The following PPP2R2A variants were observed in gnomAD, a reference collection of about 807,000 sequenced individuals.
PPP2R2A encodes the protein serine/threonine-protein phosphatase 2A 55 kDa regulatory subunit B alpha isoform.
PPP2R2A carries 9 observed loss-of-function variants against 53.2 expected under a neutral mutation model. That is an observed-to-expected ratio of 0.17 (90% CI 0.10 to 0.30). The LOEUF is 0.30. PPP2R2A is among the 10% of genes least tolerant of loss of function. PPP2R2A has a pLI of 1.00. For missense variants in PPP2R2A, 235 were observed against 534.6 expected (o/e 0.44, Z 5.53); for synonymous variants, 169 against 174.2 (o/e 0.97, Z 0.23).
intron 2 of PPP2R2A, among the ~76,000 whole-genome samples, chr8:26,334,891 A>T (rs532569638): frequency 6.6e-6 from 1 of 152,202 alleles, no homozygotes; most frequent in Admixed American, 6.5e-5. Flanking sequence ...ATTTTCTAAA[A>T]ACCTGGATAC....
At chr8:26,357,920 T>C (rs1804878029) in intron 4 of PPP2R2A, among the ~76,000 whole-genome samples, 1 of 152,100 alleles carries the variant, frequency 6.6e-6, no homozygotes, top group Non-Finnish European at 1.5e-5. Flanking sequence ...TAATCTCACA[T>C]ACAGTTTTAT....
Position 26,360,779 on chromosome 8 carries a change from A to G in PPP2R2A, c.460-195A>G. On this transcript the variant is annotated intron_variant, in intron 5 of 9. Transcript: ENST00000380737. This position sits in a 1 kb window ranked among gnomAD's most constrained non-coding sequence, Gnocchi z 4.5. Reference sequence around the variant, plus strand: ...ATAGTATTGCAACCAGTAAAAGAAGATATATTATCCACATTGTTCATTTTT... The same window carrying G: ...ATAGTATTGCAACCAGTAAAAGAAGGTATATTATCCACATTGTTCATTTTT... The G allele has an allele frequency of 1.9e-6, 1 of 520,304 alleles. No homozygotes were observed. Among genetic ancestry groups the G allele is most frequent in the Non-Finnish European group, 3.3e-6 (1 of 306,166 alleles). The allele number at this position is 520,304 out of a possible 1,614,324, so 32.2% of individuals were successfully genotyped here. A position where few individuals can be genotyped will look rare whatever the true frequency, so the allele number is the denominator to read the frequency against.
In PPP2R2A at chr8:26,354,064, G is replaced by A. The variant is rs1348114113; in HGVS notation, c.181-404G>A. On this transcript the variant is annotated intron_variant, in intron 3 of 9. Transcript: ENST00000380737. The surrounding 1 kb of genome is among the most constrained non-coding windows in gnomAD (Gnocchi z 4.6). ...GGAGTTGACCCTAAAGTGGGCATAG[G>A]AAGAAGGTGTGCCTCACCTAGCTCT... Among the ~76,000 whole-genome samples, 3 of 152,162 alleles carry A rather than the reference G, an allele frequency of 2.0e-5. No homozygotes were observed. Among genetic ancestry groups the A allele is most frequent in the Non-Finnish European group, 4.4e-5 (3 of 68,048 alleles).
chr8:26,344,799 G>A (rs1218832884), intron 3 of PPP2R2A, among the ~76,000 whole-genome samples: 2 of 152,120 alleles, frequency 1.3e-5, no homozygotes, highest in African/African-American at 4.8e-5. Flanking sequence ...TACCCGTTGA[G>A]CAGAAATTTG....
chr8:26,292,201 C>A (rs1585312416), intron 1 of PPP2R2A: 1 of 1,113,394 alleles, frequency 9.0e-7, no homozygotes, highest in Non-Finnish European at 1.1e-6. Flanking sequence ...TTTTTTCCTG[C>A]AGGTCTTCAT....
chr8:26,329,431 TGCATTGG>T lies in PPP2R2A; in HGVS notation c.83-9447_83-9441del, dbSNP rs897745995. On this transcript the variant is annotated intron_variant, in intron 2 of 9. Transcript: ENST00000380737. ...ACCCTGAAATTGTAAAGTTAAAATC[TGCATTGG>T]GCATTGGGCATAAAAATTTATGACT... is the stretch of plus-strand genomic sequence containing the variant. 1.1e-4 allele frequency among the ~76,000 whole-genome samples: 16 copies of T among 152,328 alleles called. No homozygotes were observed. In the East Asian group the frequency reaches 2.1e-3, roughly 20 times the overall value.
At position 26,360,839 on chromosome 8, in the gene PPP2R2A, T is replaced by G. The variant is rs1238406157; in HGVS notation, c.460-135T>G. 1 of 820,268 alleles carries G rather than the reference T, an allele frequency of 1.2e-6. No homozygotes were observed. The highest frequency in any genetic ancestry group is 1.8e-6 in the Non-Finnish European group (1 of 559,562). The allele number at this position is 820,268 out of a possible 1,614,324, so 50.8% of individuals were successfully genotyped here. A position where few individuals can be genotyped will look rare whatever the true frequency, so the allele number is the denominator to read the frequency against. On this transcript the variant is annotated intron_variant, in intron 5 of 9. Transcript: ENST00000380737. The surrounding 1 kb of genome is among the most constrained non-coding windows in gnomAD (Gnocchi z 4.5). ...CTCGAAAGGATCAACATCAGTTGCT[T>G]TTTAAAACTAAATCTATGTAATATT...
Position 26,362,894 on chromosome 8 carries a change from G to A in PPP2R2A, c.802+46G>A, listed in dbSNP as rs1351819211. Reference sequence around the variant, plus strand: ...CTTAAAATGATTACATATTCTGTTTGTCTGAAATAAGCCTCAGACATGATA... The same window carrying A: ...CTTAAAATGATTACATATTCTGTTTATCTGAAATAAGCCTCAGACATGATA... On this transcript the variant is annotated intron_variant, in intron 7 of 9. Coordinates refer to ENST00000380737, the MANE Select transcript of PPP2R2A (RefSeq NM_002717.4). The surrounding 1 kb of genome is among the most constrained non-coding windows in gnomAD (Gnocchi z 4.4). 2 of 1,560,862 alleles carry A rather than the reference G, an allele frequency of 1.3e-6. No homozygotes were observed. Among genetic ancestry groups the A allele is most frequent in the African/African-American group, 2.7e-5 (2 of 73,774 alleles).
chr8:26,357,627 T>TA (rs1804861877), intron 4 of PPP2R2A, among the ~76,000 whole-genome samples: 2 of 152,140 alleles, frequency 1.3e-5, no homozygotes, highest in African/African-American at 4.8e-5. Context: ...ATGAATAATG[T>TA]AAAGTTCACT....
chr8:26,342,524 G>A (rs1044267166), intron 3 of PPP2R2A, among the ~76,000 whole-genome samples: 8 of 152,154 alleles, frequency 5.3e-5, no homozygotes, highest in African/African-American at 1.9e-4. Context: ...GAGTTGGGTT[G>A]CTCAGACCTT....
chr8:26,298,012 G>A (rs1173441080), intron 2 of PPP2R2A, among the ~76,000 whole-genome samples: 3 of 152,088 alleles, frequency 2.0e-5, no homozygotes, highest in Admixed American at 6.6e-5. Flanking sequence ...AAGCTATGAA[G>A]TAAAAGGAAA....
chr8:26,349,997 A>G (rs1804413097), intron 3 of PPP2R2A, among the ~76,000 whole-genome samples: 1 of 152,156 alleles, frequency 6.6e-6, no homozygotes, highest in Non-Finnish European at 1.5e-5. Flanking sequence ...TGCCAGTGCT[A>G]TGTGTTGTAT....
At chr8:26,322,413 A>G (rs556478753) in intron 2 of PPP2R2A, among the ~76,000 whole-genome samples, 3 of 152,308 alleles carry the variant, frequency 2.0e-5, no homozygotes, top group African/African-American at 7.2e-5. Flanking sequence ...GAACATTTCT[A>G]TCGTAGGAAG....
intron 2 of PPP2R2A, among the ~76,000 whole-genome samples, chr8:26,318,163 G>A (rs1452862251): frequency 6.6e-6 from 1 of 152,154 alleles, no homozygotes; most frequent in South Asian, 2.1e-4. Context: ...ATTAGTCTCT[G>A]CTACAGCTAC....
chr8:26,318,193 T>C (rs1224528176), intron 2 of PPP2R2A, among the ~76,000 whole-genome samples: 2 of 152,204 alleles, frequency 1.3e-5, no homozygotes, highest in South Asian at 2.1e-4. Flanking sequence ...GAACTTTTAC[T>C]CAGGACTTTG....
intron 2 of PPP2R2A, among the ~76,000 whole-genome samples, chr8:26,302,383 A>AT (rs1185077969): frequency 6.6e-6 from 1 of 152,236 alleles, no homozygotes; most frequent in Non-Finnish European, 1.5e-5. Context: ...AACGAATGTG[A>AT]TTTTTTGATA....
chr8:26,303,369 A>T lies in PPP2R2A; in HGVS notation c.82+9629A>T, dbSNP rs145668015. Among the ~76,000 whole-genome samples, 370 of 152,266 alleles carry T rather than the reference A, an allele frequency of 2.4e-3. 2 individuals carry two copies. The highest frequency in any genetic ancestry group is 8.3e-3 in the African/African-American group (345 of 41,556). ...CTATCAGGAACACTGAAATTCTCACAGCCTAATTTAGTGCCACTCCTAGGT... is the reference window on the plus strand; with the variant it reads ...CTATCAGGAACACTGAAATTCTCACTGCCTAATTTAGTGCCACTCCTAGGT... On this transcript the variant is annotated intron_variant, in intron 2 of 9. Coordinates refer to ENST00000380737, the MANE Select transcript of PPP2R2A (RefSeq NM_002717.4).
chr8:26,350,724 T>C (rs531771936), intron 3 of PPP2R2A: 2 of 152,348 alleles, frequency 1.3e-5, no homozygotes, highest in African/African-American at 4.8e-5. Context: ...TTTATATGTT[T>C]ATTGGCTATT....
chr8:26,354,460 C>T lies in PPP2R2A; in HGVS notation c.181-8C>T. 3 of 1,498,140 alleles carry T rather than the reference C, an allele frequency of 2.0e-6. No homozygotes were observed. The highest frequency in any genetic ancestry group is 8.9e-7 in the Non-Finnish European group (1 of 1,117,974). The allele number at this position is 1,498,140 out of a possible 1,614,324, so 92.8% of individuals were successfully genotyped here. On this transcript the variant is annotated splice_region_variant and splice_polypyrimidine_tract_variant and intron_variant, in intron 3 of 9. Transcript: ENST00000380737. This position sits in a 1 kb window ranked among gnomAD's most constrained non-coding sequence, Gnocchi z 4.6. ...ACAATGGTCCATATATTTTTGTTTT[C>T]ATTTTAGAACAAAATCCAGTCTCAT...
Sources: gnomAD v4.1 joint callset for allele counts (sites outside exome capture counted in the v4.1 genomes callset) on GRCh38, gnomAD v4.1.1 for gene constraint, Gnocchi (gnomAD v3.1) non-coding constraint, MANE v1.5 for transcripts, NCBI Gene and HGNC (gene_info 2026-07-23, HGNC 2026-07-21) for gene names.